Variants in GLCCI1 observed in about 807,000 individuals in gnomAD.
GLCCI1 encodes glucocorticoid-induced transcript 1 protein.
GLCCI1 carries 24 observed loss-of-function variants against 52.2 expected under a neutral mutation model. The observed-to-expected ratio is 0.46, with a 90% CI of 0.33 to 0.65. The LOEUF is 0.65. Among genes scored for constraint, GLCCI1 ranks in the 30% least tolerant of loss-of-function variants. The pLI is 0.02. For synonymous variants in GLCCI1, 310 were observed against 276.5 expected (o/e 1.12, Z -1.20); for missense variants, 704 against 701.5 (o/e 1.00, Z -0.04).
intron 5 of GLCCI1, among the ~76,000 whole-genome samples, chr7:8,062,526 T>TG (rs1391449341): frequency 6.6e-6 from 1 of 152,216 alleles, no homozygotes; most frequent in African/African-American, 2.4e-5. Flanking sequence ...GTAAGTTGTA[T>TG]GTCACTGGAA....
At position 8,060,176 on chromosome 7, in the gene GLCCI1, T is replaced by C. The variant is rs754114856; in HGVS notation, c.894T>C (p.Asn298=). ...CATCTGTTTCGCGTGTGCCCTGCAA[T>C]GTAGAAGGAATAAGTCCTGAATTAG... ...PKSSVSRVPC[N]VEGISPELEK... is the part of the protein sequence containing the mutation. Residue 298 remains asparagine (N), a synonymous_variant, in exon 5 of 8, where the codon AAT becomes AAC. Coordinates refer to ENST00000223145, the MANE Select transcript of GLCCI1 (RefSeq NM_138426.4). 1 of 1,613,080 alleles carries C rather than the reference T, an allele frequency of 6.2e-7. No homozygotes were observed. The highest frequency in any genetic ancestry group is 8.5e-7 in the Non-Finnish European group (1 of 1,179,118).
chr7:7,969,480 G>GGCC lies in GLCCI1; in HGVS notation c.132_133insCGC (p.Gly44_Gly45insArg). On this transcript the variant is annotated inframe_insertion, in exon 1 of 8. Transcript: ENST00000223145. The surrounding 1 kb of genome is among the most constrained non-coding windows in gnomAD (Gnocchi z 4.9). ...CGCCGCCGGGAGCGGGAACGGTGCG[G>GGCC]GCGGCGGCGGCGGCGTGGGCTGCGC... 2 of 1,005,110 alleles carry GGCC rather than the reference G, an allele frequency of 2.0e-6. No homozygotes were observed. The highest frequency in any genetic ancestry group is 2.4e-6 in the Non-Finnish European group (2 of 847,122). The allele number at this position is 1,005,110 out of a possible 1,614,324, so 62.3% of individuals were successfully genotyped here. A position where few individuals can be genotyped will look rare whatever the true frequency, so the allele number is the denominator to read the frequency against.
intron 3 of GLCCI1, among the ~76,000 whole-genome samples, chr7:8,049,378 C>T (rs1475892263): frequency 6.6e-6 from 1 of 152,026 alleles, no homozygotes; most frequent in African/African-American, 2.4e-5. Flanking sequence ...TCTGGACCTA[C>T]AAGATAATAG....
rs571726894 is a variant in GLCCI1, at chr7:8,023,588, C to CTTTTTTTTTTTTTTTTTTTTTTTTTTT, written c.696+1021_696+1047dup. 7.9e-4 allele frequency among the ~76,000 whole-genome samples: 33 copies of CTTTTTTTTTTTTTTTTTTTTTTTTTTT among 41,990 alleles called. 6 individuals are homozygous for CTTTTTTTTTTTTTTTTTTTTTTTTTTT. The highest frequency in any genetic ancestry group is 1.2e-3 in the East Asian group (2 of 1,718). 27.5% of individuals were successfully genotyped at this position (41,990 alleles called of 152,430 possible). ...AGATGGTCATCTAATCTCTGTTATT[C>CTTTTTTTTTTTTTTTTTTTTTTTTTTT]TTTTTTTTTTTTTTTTTTTTTTTTT... On this transcript the variant is annotated intron_variant, in intron 3 of 7. Transcript: ENST00000223145.
intron 3 of GLCCI1, among the ~76,000 whole-genome samples, chr7:8,039,996 CA>C (rs58721575): frequency 0.65 from 76,064 of 116,550 alleles, 21,812 homozygotes; most frequent in Admixed American, 0.7. Context: ...GACTCTGTCT[CA>C]AAAAAAAAAA....
intron 2 of GLCCI1, among the ~76,000 whole-genome samples, chr7:8,017,698 C>A (rs1313655721): frequency 2.0e-5 from 3 of 151,988 alleles, no homozygotes; most frequent in Non-Finnish European, 4.4e-5. Context: ...TAAAAAAAAA[C>A]CTTCCGACTT....
chr7:7,986,926 A>T (rs775924984), intron 1 of GLCCI1, among the ~76,000 whole-genome samples: 1 of 152,154 alleles, frequency 6.6e-6, no homozygotes, highest in African/African-American at 2.4e-5. Flanking sequence ...TCTACTGAAC[A>T]TGGTGGGGTT....
At chr7:8,082,108 G>A (rs1783008319) in intron 6 of GLCCI1, among the ~76,000 whole-genome samples, 1 of 152,104 alleles carries the variant, frequency 6.6e-6, no homozygotes, top group Non-Finnish European at 1.5e-5. Context: ...TGAATCTCCT[G>A]AGCAGGCATA....
intron 1 of GLCCI1, among the ~76,000 whole-genome samples, chr7:7,979,539 C>T (rs1413682728): frequency 6.6e-6 from 1 of 152,092 alleles, no homozygotes; most frequent in Non-Finnish European, 1.5e-5. Flanking sequence ...TTGGTTCATC[C>T]TATGGTTTCT....
Position 7,969,475 on chromosome 7 carries a change from G to C in GLCCI1, c.125G>C (p.Gly42Ala). 3 of 1,062,292 alleles carry C rather than the reference G, an allele frequency of 2.8e-6. No individual in the cohort carries two copies. Among genetic ancestry groups the C allele is most frequent in the Non-Finnish European group, 3.4e-6 (3 of 882,880 alleles). The allele number at this position is 1,062,292 out of a possible 1,614,324, so 65.8% of individuals were successfully genotyped here. Reference sequence around the variant, plus strand: ...GTCGCCGCCGCCGGGAGCGGGAACGGTGCGGGCGGCGGCGGCGGCGTGGGC... The same window carrying C: ...GTCGCCGCCGCCGGGAGCGGGAACGCTGCGGGCGGCGGCGGCGGCGTGGGC... ...PAVAAAGSGN[G>A]AGGGGGVGCA... The change falls in exon 1 of 8, where the codon GGT becomes GCT. Residue 42 changes from glycine (G) to alanine (A), a missense_variant. Coordinates refer to ENST00000223145, the MANE Select transcript of GLCCI1 (RefSeq NM_138426.4). The surrounding 1 kb of genome is among the most constrained non-coding windows in gnomAD (Gnocchi z 4.9).
At chr7:8,017,244 T>G (rs1456171603) in intron 2 of GLCCI1, among the ~76,000 whole-genome samples, 4 of 152,184 alleles carry the variant, frequency 2.6e-5, no homozygotes, top group Non-Finnish European at 4.4e-5. Flanking sequence ...TGAAAAATAT[T>G]TTTGGCCATA....
chr7:8,027,259 G>A (rs891096973), intron 3 of GLCCI1, among the ~76,000 whole-genome samples: 3 of 152,202 alleles, frequency 2.0e-5, no homozygotes, highest in African/African-American at 7.2e-5. Flanking sequence ...AAGCCAAGGC[G>A]GGCAGATCCC....
intron 2 of GLCCI1, among the ~76,000 whole-genome samples, chr7:8,008,727 T>C (rs1303077278): frequency 6.6e-6 from 1 of 152,156 alleles, no homozygotes; most frequent in Admixed American, 6.5e-5. Flanking sequence ...AGAAAACAAA[T>C]ACTGAACTCA....
intron 3 of GLCCI1, among the ~76,000 whole-genome samples, chr7:8,033,218 A>G (rs2127952276): frequency 6.6e-6 from 1 of 152,174 alleles, no homozygotes; most frequent in Middle Eastern, 3.4e-3. Context: ...CATGATTAAA[A>G]AAAAAAATCA....
chr7:8,049,302 C>A (rs1246069742), intron 3 of GLCCI1, among the ~76,000 whole-genome samples: 1 of 152,014 alleles, frequency 6.6e-6, no homozygotes, highest in Non-Finnish European at 1.5e-5. Flanking sequence ...ACATTCTGTT[C>A]ATTCTTGGTA....
At chr7:8,046,207 A>G (rs1782122567) in intron 3 of GLCCI1, among the ~76,000 whole-genome samples, 1 of 152,200 alleles carries the variant, frequency 6.6e-6, no homozygotes, top group South Asian at 2.1e-4. Flanking sequence ...GTCACGTAGA[A>G]CATAGAACAA....
At position 7,969,166 on chromosome 7, in the gene GLCCI1, C is replaced by G. The variant is rs796325124; in HGVS notation, c.-185C>G. On this transcript the variant is annotated 5_prime_UTR_variant, in exon 1 of 8. Coordinates refer to ENST00000223145, the MANE Select transcript of GLCCI1 (RefSeq NM_138426.4). The surrounding 1 kb of genome is among the most constrained non-coding windows in gnomAD (Gnocchi z 4.9). ...TGTTTTCGCAGCCTTCCCCTCCCCC[C>G]TCGCCGAGGCGGCGGGGGTGTGCGT... The G allele has an allele frequency of 1.6e-4, 84 of 530,938 alleles. No individual in the cohort carries two copies. Among genetic ancestry groups the G allele is most frequent in the African/African-American group, 1.1e-3 (52 of 49,276 alleles). 32.9% of individuals were successfully genotyped at this position (530,938 alleles called of 1,614,324 possible).
chr7:8,060,554 C>A (rs1782490698), intron 5 of GLCCI1, among the ~76,000 whole-genome samples: 1 of 152,156 alleles, frequency 6.6e-6, no homozygotes, highest in Non-Finnish European at 1.5e-5. Context: ...GCTGGTTGTT[C>A]TAGATGTTTC....
chr7:8,076,763 A>G (rs1782884260), intron 6 of GLCCI1, among the ~76,000 whole-genome samples: 1 of 152,168 alleles, frequency 6.6e-6, no homozygotes, highest in Non-Finnish European at 1.5e-5. Context: ...AGAGTAAATG[A>G]CCATATTTTG....
Sources: gnomAD v4.1 joint callset for allele counts (sites outside exome capture counted in the v4.1 genomes callset) on GRCh38, gnomAD v4.1.1 for gene constraint, Gnocchi (gnomAD v3.1) non-coding constraint, MANE v1.5 for transcripts, NCBI Gene and HGNC (gene_info 2026-07-23, HGNC 2026-07-21) for gene names.